Variants in DIDO1 observed in about 807,000 individuals in gnomAD.
DIDO1 encodes the protein death inducer-obliterator 1.
Under a neutral mutation model 99.4 loss-of-function variants are expected in DIDO1, and 16 were observed. That is an observed-to-expected ratio of 0.16 (90% confidence interval 0.11 to 0.24). The LOEUF is 0.24. Among genes scored for constraint, DIDO1 ranks in the 10% least tolerant of loss-of-function variants. DIDO1 has a pLI of 1.00. For synonymous variants in DIDO1, 1,366 were observed against 1,239.1 expected, an observed-to-expected ratio of 1.10 and a Z score of -2.15; for missense variants, 2,996 against 3,014.0, an observed-to-expected ratio of 0.99 and a Z score of 0.14.
Position 62,896,720 on chromosome 20 carries a change from G to T in DIDO1, c.1865C>A (p.Thr622Lys). The change falls in exon 7 of 16, where the codon ACG (threonine) becomes AAG (lysine). Residue 622 changes from threonine to lysine, a missense_variant. Around this residue, in one of 5 missense-constraint regions of DIDO1, gnomAD observed 898 missense variants for 972.7 expected, o/e 0.92. Transcript: ENST00000395343. This position sits in a 1 kb window ranked among gnomAD's most constrained non-coding sequence, Gnocchi z 4.4. The stretch of plus-strand genomic sequence containing the variant: ...GCCAGGGAACTTCTTGGAGGCAGCC[G>T]TTGCCGCTGCAGGTGCCGGTCCGGC... The part of the protein sequence containing the change: ...RQAGPAPAAA[T>K]AASKKFPGSA... 6.2e-7 allele frequency: 1 copy of T among 1,613,742 alleles called. No individual in the cohort carries two copies. The highest frequency in any genetic ancestry group is 8.5e-7 in the Non-Finnish European group (1 of 1,179,876).
chr20:62,932,671 T>C (rs2065343115), intron 1 of DIDO1, among the ~76,000 whole-genome samples: 1 of 152,238 alleles, frequency 6.6e-6, no homozygotes, highest in South Asian at 2.1e-4. Context: ...GTATGCTAGA[T>C]ACGGTTTGTC....
Position 62,909,711 on chromosome 20 carries a change from C to A in DIDO1, c.1149G>T (p.Lys383Asn). Residue 383 changes from lysine to asparagine, a missense_variant, in exon 4 of 16, where the codon AAG becomes AAT. By Grantham distance (94) the Lys-to-Asn change is moderately conservative. Transcript: ENST00000395343. ...AANPSGKKKLKIFQPVIEAPG... is the reference protein window; with the variant it reads ...AANPSGKKKLNIFQPVIEAPG... ...GACAAACACTTACAGGCTGGAAGAT[C>A]TTGAGTTTCTTCTTGCCACTTGGAT... 1.2e-6 allele frequency: 2 copies of A among 1,613,294 alleles called. No individual in the cohort carries two copies. Among genetic ancestry groups the A allele is most frequent in the South Asian group, 2.2e-5 (2 of 91,052 alleles).
intron 3 of DIDO1, 148 bp from the exon 4 acceptor site, chr20:62,910,168 G>T (rs1347420244): frequency 1.0e-6 from 1 of 961,436 alleles, no homozygotes; most frequent in Non-Finnish European, 1.5e-6. Context: ...CCTTTCCTTT[G>T]ATTTTAACAT....
intron 15 of DIDO1, among the ~76,000 whole-genome samples, chr20:62,884,239 G>A (rs189079363): frequency 2.0e-5 from 3 of 152,200 alleles, no homozygotes; most frequent in African/African-American, 7.2e-5. Context: ...TCCCAACGTC[G>A]TAAGTTGTGG....
At chr20:62,905,755 G>A (rs2064787870) in intron 6 of DIDO1, 132 bp downstream of exon 6, 8 of 1,607,738 alleles carry the variant, frequency 5.0e-6, no homozygotes, top group South Asian at 1.1e-5. Flanking sequence ...TCTGCTTCCC[G>A]CTGATGGTGC....
chr20:62,902,762 G>T (rs1160933807), intron 6 of DIDO1, among the ~76,000 whole-genome samples: 1 of 152,184 alleles, frequency 6.6e-6, no homozygotes, highest in Non-Finnish European at 1.5e-5. Context: ...ACAGCATCTG[G>T]ATTTGGGTTT....
upstream of DIDO1, chr20:62,929,312 T>G (rs1426296677): frequency 7.4e-6 from 1 of 134,258 alleles, no homozygotes; most frequent in African/African-American, 2.7e-5. Flanking sequence ...TCTCGGCCTT[T>G]GGGAGGGGAG....
intron 1 of DIDO1, among the ~76,000 whole-genome samples, chr20:62,937,114 A>C (rs1045317195): frequency 6.6e-6 from 1 of 152,212 alleles, no homozygotes; most frequent in Non-Finnish European, 1.5e-5. Context: ...GCTCGCTTGT[A>C]AGCAAACACA....
At chr20:62,891,384 C>G (rs1001819948) in intron 14 of DIDO1, among the ~76,000 whole-genome samples, 4 of 152,184 alleles carry the variant, frequency 2.6e-5, no homozygotes, top group Non-Finnish European at 5.9e-5. Context: ...TCACGAGGAA[C>G]CAGCTGCATG....
rs2064376873 is a variant in DIDO1, at chr20:62,890,613, G to A, written c.3541+347C>T. On this transcript the variant is annotated intron_variant, in intron 15 of 15. Coordinates refer to ENST00000395343, the MANE Select transcript of DIDO1 (RefSeq NM_001193369.2). ...TGCTGGCTCCCGAGTCTGTCTAGAG[G>A]AAAGAGCAGGGCCGCTGGGAGTGTC... The A allele has an allele frequency of 4.3e-6, 5 of 1,151,094 alleles. No individual in the cohort carries two copies. In the South Asian group the frequency reaches 7.2e-5, roughly 17 times the overall value. 71.3% of individuals were successfully genotyped at this position (1,151,094 alleles called of 1,614,324 possible).
chr20:62,895,788 T>C (rs572218881), intron 8 of DIDO1, among the ~76,000 whole-genome samples: 85 of 152,134 alleles, frequency 5.6e-4, no homozygotes, highest in African/African-American at 2.0e-3. Flanking sequence ...CTGCTCCAAG[T>C]GGTGAGAACT....
At chr20:62,906,123 A>G (rs1444404658) in intron 5 of DIDO1, 23 bp from the exon 6 acceptor site, 1 of 1,592,822 alleles carries the variant, frequency 6.3e-7, no homozygotes, top group Admixed American at 1.7e-5. Flanking sequence ...TAAAACCCCA[A>G]ATCATTAAAA....
Position 62,910,885 on chromosome 20 carries a change from G to C in DIDO1, c.728C>G (p.Ala243Gly). ...DRESKLEGKA[A>G]QDIKDEEPGD... is the part of the protein sequence containing the mutation. ...AGGCTCCTCATCTTTGATGTCCTGA[G>C]CCGCCTTTCCCTCCAACTTACTCTC... Residue 243 changes from alanine to glycine, a missense_variant, in exon 3 of 16, where the codon GCT (alanine) becomes GGT (glycine). Ala to Gly is a moderately conservative substitution (Grantham distance 60, BLOSUM62 0). Transcript: ENST00000395343. 1 of 1,614,138 alleles carries C rather than the reference G, an allele frequency of 6.2e-7. No homozygotes were observed. Among genetic ancestry groups the C allele is most frequent in the South Asian group, 1.1e-5 (1 of 91,090 alleles).
rs771665308 is a variant in DIDO1, at chr20:62,882,287, C to G, written c.3669G>C (p.Ala1223=). The G allele has an allele frequency of 1.2e-6, 2 of 1,613,982 alleles. No individual in the cohort carries two copies. The change falls in exon 16 of 16, where the codon GCG becomes GCC. Residue 1223 remains alanine, a synonymous_variant. Coordinates refer to ENST00000395343, the MANE Select transcript of DIDO1 (RefSeq NM_001193369.2). ...CTACTTTTGGATAGGCCGGAACGTC[C>G]GCTTCTTCCGGTTGAAGTCGGGTCC... is the stretch of plus-strand genomic sequence containing the variant. The part of the protein sequence containing the change: ...EKRTRLQPEE[A]DVPAYPKVAT...
At chr20:62,904,555 C>A (rs1158474503) in intron 6 of DIDO1, among the ~76,000 whole-genome samples, 1 of 152,020 alleles carries the variant, frequency 6.6e-6, no homozygotes, top group Non-Finnish European at 1.5e-5. Flanking sequence ...CCGAGTTGGG[C>A]AGATCACATG....
Position 62,880,659 on chromosome 20 carries a change from A to G in DIDO1, c.5297T>C (p.Leu1766Pro), listed in dbSNP as rs2064184540. ...TGGTCCCGGGAAATTGGGGCCGTGA[A>G]GCCCTGACATCCCCAAAGCATGAGG... ...PGPHALGMSG[L>P]HGPNFPGPRG... Residue 1766 changes from leucine to proline, a missense_variant, in exon 16 of 16, where the codon CTT (leucine) becomes CCT (proline). Physicochemically the swap from Leu to Pro is moderately conservative, Grantham distance 98. This residue lies in a region of DIDO1 where 1,562 missense variants were observed against 1,412.6 expected (regional missense o/e 1.11). Coordinates refer to ENST00000395343, the MANE Select transcript of DIDO1 (RefSeq NM_001193369.2). 3.1e-6 allele frequency: 5 copies of G among 1,612,824 alleles called. No individual in the cohort carries two copies. Among genetic ancestry groups the G allele is most frequent in the East Asian group, 2.2e-5 (1 of 44,876 alleles).
chr20:62,926,720 C>T (rs189639546), upstream of DIDO1, among the ~76,000 whole-genome samples: 1 of 152,352 alleles, frequency 6.6e-6, no homozygotes, highest in African/African-American at 2.4e-5. Flanking sequence ...TTCCCCGACT[C>T]CAAGAGTGAA....
At chr20:62,904,221 CT>C (rs1346701627) in intron 6 of DIDO1, among the ~76,000 whole-genome samples, 3 of 151,900 alleles carry the variant, frequency 2.0e-5, no homozygotes, top group African/African-American at 7.3e-5. Context: ...AAATCCCTCT[CT>C]GCATTCACAG....
In DIDO1 at chr20:62,894,982, C is replaced by T. The variant is rs1733858020; in HGVS notation, c.2331+67G>A. The T allele has an allele frequency of 5.6e-6, 9 of 1,596,174 alleles. No homozygotes were observed. Among genetic ancestry groups the T allele is most frequent in the South Asian group, 4.4e-5 (4 of 90,408 alleles). On this transcript the variant is annotated intron_variant, in intron 9 of 15. Transcript: ENST00000395343. This position sits in a 1 kb window ranked among gnomAD's most constrained non-coding sequence, Gnocchi z 4.4. Reference sequence around the variant, plus strand: ...AGGAGGAAAGCATCGCTTATGCAGCCGTCTATGAATTTATTTCTATTAAGC... The same window carrying T: ...AGGAGGAAAGCATCGCTTATGCAGCTGTCTATGAATTTATTTCTATTAAGC...
Sources: gnomAD v4.1 joint callset for allele counts (sites outside exome capture counted in the v4.1 genomes callset) on GRCh38, gnomAD v4.1.1 for gene constraint, gnomAD v4.1.1 regional missense constraint, Gnocchi (gnomAD v3.1) non-coding constraint, MANE v1.5 for transcripts, NCBI Gene and HGNC (gene_info 2026-07-23, HGNC 2026-07-21) for gene names.